Variants in LYPD2 observed in about 807,000 individuals in gnomAD.
The protein encoded by LYPD2 is ly6/PLAUR domain-containing protein 2.
LYPD2 carries 5 observed loss-of-function variants against 7.1 expected under a neutral mutation model. The ratio of observed to expected loss-of-function variants is 0.70; its 90% confidence interval spans 0.37 to 1.48. The LOEUF (loss-of-function observed/expected upper bound fraction) is 1.48, where lower values mean the gene tolerates loss of function less well. LYPD2 is among the 40% of genes most tolerant of loss of function. LYPD2 has a pLI of 0.03. For missense variants in LYPD2, 177 were observed against 171.0 expected, an observed-to-expected ratio of 1.04 and a Z score of -0.20; for synonymous variants, 78 against 82.0, an observed-to-expected ratio of 0.95 and a Z score of 0.26.
chr8:142,751,082 C>T lies in LYPD2; in HGVS notation c.147G>A (p.Met49Ile). The T allele has an allele frequency of 6.2e-7, 1 of 1,614,194 alleles. No homozygotes were observed. The highest frequency in any genetic ancestry group is 8.5e-7 in the Non-Finnish European group (1 of 1,180,028). ...TIATCTTNET[M>I]CKTTLYSREI... Reference sequence around the variant, plus strand: ...CCCGGGAGTAGAGTGTGGTCTTGCACATGGTTTCGTTGGTGGTGCAGGTGG... The same window carrying T: ...CCCGGGAGTAGAGTGTGGTCTTGCATATGGTTTCGTTGGTGGTGCAGGTGG... The change falls in exon 2 of 3, where the codon ATG (methionine) becomes ATA (isoleucine). Residue 49 changes from methionine to isoleucine, a missense_variant. Transcript: ENST00000359228.
chr8:142,751,259 A>G (rs1044908101), intron 1 of LYPD2, 89 bp from the exon 2 acceptor site: 71 of 1,543,870 alleles, frequency 4.6e-5, no homozygotes, highest in Non-Finnish European at 1.1e-5. Flanking sequence ...TCTGAAGAGG[A>G]CAGTGACACT....
Position 142,750,227 on chromosome 8 carries a change from C to A in LYPD2, c.*56G>T. On this transcript the variant is annotated 3_prime_UTR_variant, in exon 3 of 3. Transcript: ENST00000359228. The stretch of plus-strand genomic sequence containing the variant: ...CTCAGGAGTCCTGGTGCAGGGGGCA[C>A]TTCTTCAAGGCATTCGGGGCTGGGC... The A allele has an allele frequency of 6.8e-7, 1 of 1,479,216 alleles. No homozygotes were observed. The highest frequency in any genetic ancestry group is 9.2e-7 in the Non-Finnish European group (1 of 1,091,532). 91.6% of individuals were successfully genotyped at this position (1,479,216 alleles called of 1,614,324 possible).
Position 142,751,174 on chromosome 8 carries a change from G to C in LYPD2, c.59-4C>G, listed in dbSNP as rs1193970976. ...ACGTAGCAGCGCAGGGCCGGCGCTGGGGAGAAGGGACAAGGGCGGTCAGGC... is the reference window on the plus strand; with the variant it reads ...ACGTAGCAGCGCAGGGCCGGCGCTGCGGAGAAGGGACAAGGGCGGTCAGGC... On this transcript the variant is annotated splice_region_variant and splice_polypyrimidine_tract_variant and intron_variant, in intron 1 of 2. Transcript: ENST00000359228. 6.2e-7 allele frequency: 1 copy of C among 1,613,754 alleles called. No individual in the cohort carries two copies. The highest frequency in any genetic ancestry group is 1.7e-5 in the Admixed American group (1 of 60,022).
At position 142,750,471 on chromosome 8, in the gene LYPD2, G is replaced by A. The variant is rs1353576397; in HGVS notation, c.190C>T (p.Gln64Ter). 1 of 1,583,368 alleles carries A rather than the reference G, an allele frequency of 6.3e-7. No homozygotes were observed. The highest frequency in any genetic ancestry group is 1.8e-5 in the Admixed American group (1 of 55,764). Residue 64 changes from glutamine (Q) to a stop codon, truncating the protein, a stop_gained, in exon 3 of 3, where the codon CAG (glutamine) becomes TAG (stop). Coordinates refer to ENST00000359228, the MANE Select transcript of LYPD2 (RefSeq NM_205545.3). LOFTEE classifies it low-confidence loss of function (END_TRUNC). ...LYSREIVYPF[Q>*]GDSTVTKSCA... The stretch of plus-strand genomic sequence containing the variant: ...GACTTGGTCACCGTGGAGTCCCCCT[G>A]GAAGGGGTACACTGTGGGGTGTGGG...
intron 1 of LYPD2, among the ~76,000 whole-genome samples, chr8:142,752,125 C>T (rs587710347): frequency 1.2e-4 from 18 of 152,254 alleles, no homozygotes; most frequent in Non-Finnish European, 2.4e-4. Flanking sequence ...GACACCCAGG[C>T]TGGTGCTCAG....
Position 142,750,479 on chromosome 8 carries a change from T to C in LYPD2, c.182A>G (p.Tyr61Cys). The stretch of plus-strand genomic sequence containing the variant: ...CACCGTGGAGTCCCCCTGGAAGGGG[T>C]ACACTGTGGGGTGTGGGAAGAGTCA... ...KTTLYSREIV[Y>C]PFQGDSTVTK... The change falls in exon 3 of 3, where the codon TAC becomes TGC. Residue 61 changes from tyrosine to cysteine, a missense_variant. Coordinates refer to ENST00000359228, the MANE Select transcript of LYPD2 (RefSeq NM_205545.3). The C allele has an allele frequency of 6.3e-7, 1 of 1,578,898 alleles. No individual in the cohort carries two copies. Among genetic ancestry groups the C allele is most frequent in the Non-Finnish European group, 8.6e-7 (1 of 1,162,180 alleles).
chr8:142,750,824 G>A (rs1242269369), intron 2 of LYPD2, among the ~76,000 whole-genome samples: 6 of 152,270 alleles, frequency 3.9e-5, no homozygotes. Flanking sequence ...GAGGGCAGAG[G>A]GAGGCCTAGC....
At chr8:142,752,361 C>G (rs376556425) in intron 1 of LYPD2, 33 bp downstream of exon 1, 279 of 1,612,506 alleles carry the variant, frequency 1.7e-4, no homozygotes, top group Admixed American at 2.3e-4. Flanking sequence ...CATCTCCCTC[C>G]GTCCCAGCTC....
Position 142,751,155 on chromosome 8 carries a change from C to A in LYPD2, c.74G>T (p.Cys25Phe), listed in dbSNP as rs1327351319. 6.2e-7 allele frequency: 1 copy of A among 1,614,088 alleles called. No individual in the cohort carries two copies. The highest frequency in any genetic ancestry group is 8.5e-7 in the Non-Finnish European group (1 of 1,180,016). The change falls in exon 2 of 3, where the codon TGC (cysteine) becomes TTC (phenylalanine). Residue 25 changes from cysteine to phenylalanine, a missense_variant. Physicochemically the swap from Cys to Phe is radical, Grantham distance 205. Transcript: ENST00000359228. ...ACGELAPALR[C>F]YVCPEPTGVS... ...TCCTGTGGGCTCCGGACAGACGTAG[C>A]AGCGCAGGGCCGGCGCTGGGGAGAA... is the stretch of plus-strand genomic sequence containing the variant.
chr8:142,750,521 A>G lies in LYPD2; in HGVS notation c.179-39T>C, dbSNP rs114584395. 3,041 of 1,542,380 alleles carry G rather than the reference A, an allele frequency of 2.0e-3. 62 individuals carry two copies. The African/African-American group carries it at 0.037, about 19-fold the overall frequency. Reference sequence around the variant, plus strand: ...GAAGAGTCAGCCGTCAGGGCTGGTCACTGCCTCCAAGCCCTGGTCCCTGCC... The same window carrying G: ...GAAGAGTCAGCCGTCAGGGCTGGTCGCTGCCTCCAAGCCCTGGTCCCTGCC... On this transcript the variant is annotated intron_variant, in intron 2 of 2. Coordinates refer to ENST00000359228, the MANE Select transcript of LYPD2 (RefSeq NM_205545.3).
In LYPD2 at chr8:142,750,659, C is replaced by T. The variant is rs587634375; in HGVS notation, c.179-177G>A. Among the ~76,000 whole-genome samples the T allele has an allele frequency of 2.2e-3, 339 of 152,358 alleles. 1 individual carries two copies. The highest frequency in any genetic ancestry group is 4.3e-3 in the Non-Finnish European group (294 of 68,038). On this transcript the variant is annotated intron_variant, in intron 2 of 2. Transcript: ENST00000359228. ...CCCACCGACGTTGTCCGGGTGTCTA[C>T]CATGTGCCAGGCACCCGGCCTGATG...
intron 2 of LYPD2, 84 bp from the exon 3 acceptor site, chr8:142,750,566 C>G: frequency 1.5e-6 from 2 of 1,378,806 alleles, no homozygotes; most frequent in South Asian, 2.6e-5. Flanking sequence ...TCATGCAGGC[C>G]CCACTCTGGG....
At chr8:142,751,351 C>T (rs139997311) in intron 1 of LYPD2, among the ~76,000 whole-genome samples, 181 bp from the exon 2 acceptor site, 6 of 152,206 alleles carry the variant, frequency 3.9e-5, no homozygotes, top group Admixed American at 1.3e-4. Context: ...GGCTCAGCCT[C>T]GGAACCTTGC....
At chr8:142,752,210 G>T (rs868187586) in intron 1 of LYPD2, among the ~76,000 whole-genome samples, 184 bp downstream of exon 1, 1 of 151,852 alleles carries the variant, frequency 6.6e-6, no homozygotes, top group African/African-American at 2.4e-5. Flanking sequence ...CCCCCTCACC[G>T]CCAGCCCCTC....
intron 1 of LYPD2, among the ~76,000 whole-genome samples, chr8:142,751,787 G>A (rs950891663): frequency 4.6e-5 from 7 of 152,166 alleles, no homozygotes; most frequent in African/African-American, 1.7e-4. Context: ...GCTGGCCAGG[G>A]CAGCCAGCTG....
At chr8:142,751,967 C>G (rs1017548094) in intron 1 of LYPD2, among the ~76,000 whole-genome samples, 7 of 152,090 alleles carry the variant, frequency 4.6e-5, no homozygotes, top group South Asian at 2.1e-4. Flanking sequence ...GTTTCAGGCT[C>G]CACATCAGGG....
intron 2 of LYPD2, among the ~76,000 whole-genome samples, chr8:142,750,750 C>T (rs150466910): frequency 8.1e-4 from 123 of 152,348 alleles, no homozygotes; most frequent in Middle Eastern, 3.4e-3. Context: ...CTTCTCCAGT[C>T]CCCCCAAAAC....
At position 142,750,329 on chromosome 8, in the gene LYPD2, T is replaced by C; in HGVS notation, c.332A>G (p.His111Arg). Residue 111 changes from histidine (H) to arginine (R), a missense_variant, in exon 3 of 3, where the codon CAC becomes CGC. Coordinates refer to ENST00000359228, the MANE Select transcript of LYPD2 (RefSeq NM_205545.3). ...TGGGAGGAGCGTGAGGGCCCCGCAG[T>C]GGAGGCTGTTCAGAGCGGGCGCCCC... is the stretch of plus-strand genomic sequence containing the variant. ...VDGAPALNSL[H>R]CGALTLLPLL... 3 of 1,555,476 alleles carry C rather than the reference T, an allele frequency of 1.9e-6. No individual in the cohort carries two copies. The highest frequency in any genetic ancestry group is 2.4e-5 in the East Asian group (1 of 41,260).
At chr8:142,752,257 G>GC in intron 1 of LYPD2, 137 bp downstream of exon 1, 3 of 901,728 alleles carry the variant, frequency 3.3e-6, no homozygotes, top group South Asian at 1.7e-5. Flanking sequence ...TGGCGGGGGG[G>GC]CCACACCCCC....
Sources: gnomAD v4.1 joint callset for allele counts (sites outside exome capture counted in the v4.1 genomes callset) on GRCh38, gnomAD v4.1.1 for gene constraint, MANE v1.5 for transcripts, NCBI Gene and HGNC (gene_info 2026-07-23, HGNC 2026-07-21) for gene names.